SCOC: variants seen among roughly 807,000 people sequenced by gnomAD.
SCOC encodes the protein short coiled coil protein.
A neutral mutation model predicts 9.9 loss-of-function variants in SCOC; 7 were observed. That is an observed-to-expected ratio of 0.71 (90% CI 0.40 to 1.33). The LOEUF (loss-of-function observed/expected upper bound fraction) is 1.33, where lower values mean the gene tolerates loss of function less well. SCOC is among the 40% of genes most tolerant of loss of function. The probability of loss-of-function intolerance (pLI) is 0.01; values close to 1 mark genes in which losing one functional copy is unlikely to be tolerated. For missense variants in SCOC, 66 were observed against 89.7 expected, an observed-to-expected ratio of 0.74 and a Z score of 1.07; for synonymous variants, 19 against 28.2, an observed-to-expected ratio of 0.67 and a Z score of 1.03.
At chr4:140,343,725 T>C (rs541932706) in intron 2 of SCOC, 1 of 1,580,284 alleles carries the variant, frequency 6.3e-7, no homozygotes. Context: ...AAAAAATGGA[T>C]AACTTCTCAA....
intron 1 of SCOC, among the ~76,000 whole-genome samples, chr4:140,276,257 C>A (rs1339824667): frequency 6.6e-6 from 1 of 152,114 alleles, no homozygotes; most frequent in Non-Finnish European, 1.5e-5. Flanking sequence ...CCACCTCAGC[C>A]TCACAAAGTG....
At chr4:140,301,786 C>G (rs910189861) in intron 1 of SCOC, among the ~76,000 whole-genome samples, 9 of 152,192 alleles carry the variant, frequency 5.9e-5, no homozygotes, top group African/African-American at 2.2e-4. Context: ...ATCACTTTTT[C>G]TGAGGATTTA....
intron 1 of SCOC, among the ~76,000 whole-genome samples, chr4:140,298,454 TG>T (rs1209407934): frequency 6.6e-6 from 1 of 152,252 alleles, no homozygotes; most frequent in African/African-American, 2.4e-5. Flanking sequence ...GGGCTCCAGC[TG>T]GGAAACTGAA....
At chr4:140,312,087 C>T (rs547958645) in intron 1 of SCOC, among the ~76,000 whole-genome samples, 4 of 152,172 alleles carry the variant, frequency 2.6e-5, no homozygotes, top group African/African-American at 9.7e-5. Flanking sequence ...AATACGACTT[C>T]TATTGCTTTC....
chr4:140,379,257 AT>A (rs1179775995), intron 2 of SCOC, 65 bp downstream of exon 2: 2 of 1,056,556 alleles, frequency 1.9e-6, no homozygotes, highest in African/African-American at 3.1e-5. Flanking sequence ...TTATTAAGCA[AT>A]GGAAAGGGCA....
upstream of SCOC, among the ~76,000 whole-genome samples, chr4:140,372,610 G>A (rs1476423886): frequency 6.6e-6 from 1 of 152,070 alleles, no homozygotes; most frequent in African/African-American, 2.4e-5. Context: ...TGCAGTCGCA[G>A]CCAAATGCAT....
chr4:140,355,179 T>C (rs565830397), intron 2 of SCOC, among the ~76,000 whole-genome samples: 1 of 146,268 alleles, frequency 6.8e-6, no homozygotes, highest in Admixed American at 7.1e-5. Flanking sequence ...AAGGTGAGAC[T>C]GGCCCAACTT....
intron 2 of SCOC, among the ~76,000 whole-genome samples, chr4:140,351,651 AC>A (rs898021594): frequency 1.4e-4 from 22 of 151,906 alleles, no homozygotes; most frequent in African/African-American, 4.3e-4. Flanking sequence ...ATGTAACAAT[AC>A]CCCCTCACGC....
chr4:140,355,850 G>A (rs888936449), intron 2 of SCOC, among the ~76,000 whole-genome samples: 4 of 152,172 alleles, frequency 2.6e-5, no homozygotes, highest in Non-Finnish European at 5.9e-5. Context: ...GTATTAGTGT[G>A]AAGGGATTAC....
intron 1 of SCOC, among the ~76,000 whole-genome samples, chr4:140,338,287 T>A (rs994870781): frequency 6.6e-6 from 1 of 152,194 alleles, no homozygotes; most frequent in African/African-American, 2.4e-5. Flanking sequence ...TAGGTATTGA[T>A]GGGACGTATC....
chr4:140,305,701 A>G (rs1731958662), intron 1 of SCOC, among the ~76,000 whole-genome samples: 1 of 152,174 alleles, frequency 6.6e-6, no homozygotes, highest in Non-Finnish European at 1.5e-5. Context: ...AGAGGTGGTC[A>G]TAGGGGAGGA....
At chr4:140,364,500 T>G (rs765446523) in intron 2 of SCOC, among the ~76,000 whole-genome samples, 1 of 152,108 alleles carries the variant, frequency 6.6e-6, no homozygotes, top group Non-Finnish European at 1.5e-5. Context: ...GGACATTTAT[T>G]AGTAAGGAAG....
chr4:140,263,597 G>A (rs1730676079), intron 1 of SCOC, among the ~76,000 whole-genome samples: 1 of 152,230 alleles, frequency 6.6e-6, no homozygotes, highest in Non-Finnish European at 1.5e-5. Context: ...GAAGAACTCG[G>A]TGAGGTGAGG....
At chr4:140,316,010 G>T (rs1401966385) in intron 1 of SCOC, among the ~76,000 whole-genome samples, 1 of 152,074 alleles carries the variant, frequency 6.6e-6, no homozygotes, top group Non-Finnish European at 1.5e-5. Flanking sequence ...TCTTCACACT[G>T]GCACCAGACA....
chr4:140,295,658 A>G (rs895758744), intron 1 of SCOC, among the ~76,000 whole-genome samples: 2 of 152,110 alleles, frequency 1.3e-5, no homozygotes, highest in East Asian at 3.9e-4. Flanking sequence ...AATCACCTGG[A>G]GCGAAGGGCG....
intron 2 of SCOC, among the ~76,000 whole-genome samples, chr4:140,363,130 G>T (rs188633013): frequency 2.0e-5 from 3 of 152,296 alleles, no homozygotes; most frequent in South Asian, 2.1e-4. Flanking sequence ...ATCTACAGGG[G>T]CCCTCTGCCT....
At chr4:140,323,497 G>A (rs777188603) in intron 1 of SCOC, among the ~76,000 whole-genome samples, 6 of 152,086 alleles carry the variant, frequency 3.9e-5, no homozygotes, top group Non-Finnish European at 7.3e-5. Context: ...TGGTTAAGCT[G>A]GCCAAGAAAA....
intron 1 of SCOC, among the ~76,000 whole-genome samples, chr4:140,296,150 A>G (rs986749870): frequency 6.6e-6 from 1 of 152,066 alleles, no homozygotes; most frequent in Non-Finnish European, 1.5e-5. Context: ...GTCGATCCAC[A>G]TGCCTAGGTG....
At chr4:140,311,318 T>C (rs535770371) in intron 1 of SCOC, among the ~76,000 whole-genome samples, 2 of 152,342 alleles carry the variant, frequency 1.3e-5, no homozygotes, top group Non-Finnish European at 1.5e-5. Context: ...AACTGTAGTA[T>C]CTTCATTCAA....
Sources: allele counts gnomAD v4.1 joint callset (sites outside exome capture counted in the v4.1 genomes callset), GRCh38; gene constraint gnomAD v4.1.1; transcripts MANE v1.5; gene names NCBI Gene and HGNC (gene_info 2026-07-23, HGNC 2026-07-21).